ELF1: variants seen among roughly 807,000 people sequenced by gnomAD.
ELF1 encodes E74 like ETS transcription factor 1.
In ELF1, 24 loss-of-function variants were observed where a neutral mutation model predicts 59.9. The observed-to-expected ratio is 0.40, with a 90% CI of 0.29 to 0.56. The LOEUF is 0.56. Ranked by LOEUF, ELF1 falls within the 20% of genes least tolerant of loss-of-function variation. The pLI, the probability that ELF1 is intolerant of heterozygous loss-of-function variation, is 0.44. For missense variants in ELF1, 627 were observed against 742.2 expected (o/e 0.84, Z 1.80); for synonymous variants, 248 against 266.2 (o/e 0.93, Z 0.67).
chr13:40,992,858 T>A lies in ELF1; in HGVS notation c.-228-10576A>T. The stretch of plus-strand genomic sequence containing the variant: ...TTGATCACCTCTCTAACTCAAGAAT[T>A]CTCTAGCTCGAGAATCAAGACTGAC... On this transcript the variant is annotated intron_variant, in intron 1 of 8. Transcript: ENST00000239882. 3 of 567,108 alleles carry A rather than the reference T, an allele frequency of 5.3e-6. 1 individual carries two copies. Among genetic ancestry groups the A allele is most frequent in the Non-Finnish European group, 9.4e-6 (3 of 318,704 alleles). The allele number at this position is 567,108 out of a possible 1,614,324, so 35.1% of individuals were successfully genotyped here.
chr13:41,055,675 C>G (rs906279888), intron 1 of ELF1, among the ~76,000 whole-genome samples: 2 of 151,882 alleles, frequency 1.3e-5, no homozygotes, highest in Non-Finnish European at 2.9e-5. Flanking sequence ...TTAAATTATT[C>G]CATTATTATT....
upstream of ELF1, among the ~76,000 whole-genome samples, chr13:41,022,277 C>T (rs956938422): frequency 6.6e-6 from 1 of 152,062 alleles, no homozygotes; most frequent in Non-Finnish European, 1.5e-5. Context: ...ATGGATGAAC[C>T]TAAAAGCATT....
intron 1 of ELF1, among the ~76,000 whole-genome samples, chr13:40,990,695 A>C (rs1943806824): frequency 6.6e-6 from 1 of 151,962 alleles, no homozygotes. Flanking sequence ...TCTCTACTAA[A>C]AATACAAAAA....
Position 40,933,564 on chromosome 13 carries a change from G to A in ELF1, c.1721C>T (p.Ser574Phe). 6.2e-7 allele frequency: 1 copy of A among 1,614,218 alleles called. No homozygotes were observed. The highest frequency in any genetic ancestry group is 8.5e-7 in the Non-Finnish European group (1 of 1,180,040). Reference protein sequence around the residue: ...TLTQEVEKKESEDHLKENTEK... With the variant: ...TLTQEVEKKEFEDHLKENTEK... ...AGTGTTCTCTTTCAAATGATCTTCA[G>A]ATTCCTTTTTCTCTACTTCCTGTGT... is the stretch of plus-strand genomic sequence containing the variant. The change falls in exon 9 of 9, where the codon TCT becomes TTT. Residue 574 changes from serine (S) to phenylalanine (F), a missense_variant. By Grantham distance (155) the Ser-to-Phe change is radical. Around this residue, in one of 3 missense-constraint regions of ELF1, gnomAD observed 361 missense variants for 396.1 expected, o/e 0.91. Coordinates refer to ENST00000239882, the MANE Select transcript of ELF1 (RefSeq NM_172373.4).
chr13:40,966,114 T>C (rs1484509382), intron 2 of ELF1, among the ~76,000 whole-genome samples: 2 of 152,230 alleles, frequency 1.3e-5, no homozygotes, highest in Non-Finnish European at 2.9e-5. Context: ...TATTTGTCAC[T>C]TGCAGATTAT....
At chr13:41,004,120 A>G (rs1874614232) in intron 1 of ELF1, among the ~76,000 whole-genome samples, 1 of 152,170 alleles carries the variant, frequency 6.6e-6, no homozygotes, top group Admixed American at 6.6e-5. Context: ...ATAAAGATAA[A>G]TAAGATATGA....
Position 41,027,686 on chromosome 13 carries a change from C to T in ELF1, c.-229+33152G>A, listed in dbSNP as rs189865053. ...CAATGCTTCTCCCAAAACTACCATCCATGAACTCACAGAATGCCTTATCTA... is the reference window on the plus strand; with the variant it reads ...CAATGCTTCTCCCAAAACTACCATCTATGAACTCACAGAATGCCTTATCTA... On this transcript the variant is annotated intron_variant, in intron 1 of 1. Coordinates refer to the ELF1 transcript ENST00000405737. Among the ~76,000 whole-genome samples the T allele has an allele frequency of 3.4e-3, 518 of 152,320 alleles. 3 individuals carry two copies. The highest frequency in any genetic ancestry group is 0.011 in the South Asian group (53 of 4,826).
At chr13:41,045,280 A>G (rs142605900) in intron 1 of ELF1, among the ~76,000 whole-genome samples, 1,479 of 145,632 alleles carry the variant, frequency 0.01, 13 homozygotes, top group Non-Finnish European at 0.016. Context: ...AGGGTTTTTT[A>G]TGTCTCCATC....
At chr13:41,029,524 G>A (rs1876081703) in intron 1 of ELF1, among the ~76,000 whole-genome samples, 1 of 152,132 alleles carries the variant, frequency 6.6e-6, no homozygotes, top group African/African-American at 2.4e-5. Context: ...TGGGACTACA[G>A]GCATGCACCA....
chr13:40,957,922 T>G (rs1234361198), intron 3 of ELF1, among the ~76,000 whole-genome samples: 1 of 152,208 alleles, frequency 6.6e-6, no homozygotes, highest in Non-Finnish European at 1.5e-5. Context: ...GACTTACTAT[T>G]CAGTTCTAAG....
At chr13:40,953,130 C>T (rs1743057114) in intron 3 of ELF1, among the ~76,000 whole-genome samples, 1 of 152,052 alleles carries the variant, frequency 6.6e-6, no homozygotes, top group African/African-American at 2.4e-5. Flanking sequence ...GCATGTGCCA[C>T]CATGCCCAGC....
In ELF1 at chr13:40,943,944, T is replaced by C. The variant is rs371333099; in HGVS notation, c.530-19A>G. 13 of 1,608,914 alleles carry C rather than the reference T, an allele frequency of 8.1e-6. No individual in the cohort carries two copies. The African/African-American group carries it at 1.6e-4, about 20-fold the overall frequency. On this transcript the variant is annotated intron_variant, in intron 5 of 8. Coordinates refer to ENST00000239882, the MANE Select transcript of ELF1 (RefSeq NM_172373.4). ...TTTCTTCCTGAAATAAAAACAGCTC[T>C]GCATAAATATTTGCCTTCAAAAGTG...
chr13:40,940,845 T>C, intron 8 of ELF1, 76 bp downstream of exon 8: 1 of 1,442,600 alleles, frequency 6.9e-7, no homozygotes, highest in South Asian at 1.4e-5. Flanking sequence ...TTTCTGAATC[T>C]TGACCCACTT....
chr13:41,055,707 G>C (rs1180269262), intron 1 of ELF1, among the ~76,000 whole-genome samples: 2 of 151,876 alleles, frequency 1.3e-5, no homozygotes, highest in African/African-American at 4.8e-5. Flanking sequence ...TTTCTAGAGA[G>C]AGGGTCTCAC....
chr13:40,994,509 G>T lies in ELF1; in HGVS notation c.-228-12227C>A, dbSNP rs185528350. Among the ~76,000 whole-genome samples the T allele has an allele frequency of 2.3e-4, 34 of 148,350 alleles. 1 individual carries two copies. Among genetic ancestry groups the T allele is most frequent in the African/African-American group, 6.3e-4 (24 of 38,024 alleles). On this transcript the variant is annotated intron_variant, in intron 1 of 8. Coordinates refer to ENST00000239882, the MANE Select transcript of ELF1 (RefSeq NM_172373.4). Reference sequence around the variant, plus strand: ...AATACAAAAATTACCTAGGCATGGTGGGGGGGTGCCTGTAATCCCAGGTAC... The same window carrying T: ...AATACAAAAATTACCTAGGCATGGTTGGGGGGTGCCTGTAATCCCAGGTAC...
At chr13:41,019,622 A>G (rs9805742), upstream of ELF1, among the ~76,000 whole-genome samples, 23,594 of 152,214 alleles carry the variant, frequency 0.16, 1,928 homozygotes, top group Non-Finnish European at 0.19. Context: ...TCAATTTTTA[A>G]AAGTTGCTTT....
At chr13:41,018,099 A>C (rs1217378765) in intron 1 of ELF1, among the ~76,000 whole-genome samples, 1 of 152,232 alleles carries the variant, frequency 6.6e-6, no homozygotes, top group Non-Finnish European at 1.5e-5. Context: ...TTCTCAAAGA[A>C]CTAGCTAAAT....
chr13:41,012,530 T>TTTTTC (rs1289065217), intron 1 of ELF1, among the ~76,000 whole-genome samples: 1 of 149,948 alleles, frequency 6.7e-6, no homozygotes, highest in East Asian at 1.9e-4. Context: ...GTTTGATTTT[T>TTTTTC]TTTTCTTTTC....
intron 1 of ELF1, among the ~76,000 whole-genome samples, chr13:41,054,862 T>G (rs1877228391): frequency 6.6e-6 from 1 of 152,204 alleles, no homozygotes; most frequent in Non-Finnish European, 1.5e-5. Context: ...ATTAAAACAT[T>G]CCTCGTATTA....
Sources: gnomAD v4.1 joint callset for allele counts (sites outside exome capture counted in the v4.1 genomes callset) on GRCh38, gnomAD v4.1.1 for gene constraint, gnomAD v4.1.1 regional missense constraint, MANE v1.5 for transcripts, NCBI Gene and HGNC (gene_info 2026-07-23, HGNC 2026-07-21) for gene names.